GRHL2: variants seen among roughly 807,000 people sequenced by gnomAD.
The protein encoded by GRHL2 is grainyhead like transcription factor 2, also known as grainyhead-like protein 2 homolog.
In GRHL2, 21 loss-of-function variants were observed where a neutral mutation model predicts 83.8. The observed-to-expected ratio is 0.25, with a 90% CI of 0.18 to 0.36. The LOEUF (loss-of-function observed/expected upper bound fraction) is 0.36, where lower values mean the gene tolerates loss of function less well. Ranked by LOEUF, GRHL2 falls within the 10% of genes least tolerant of loss-of-function variation. The pLI, the probability that GRHL2 is intolerant of heterozygous loss-of-function variation, is 1.00. For missense variants in GRHL2, 623 were observed against 781.8 expected (o/e 0.80, Z 2.42); for synonymous variants, 280 against 278.9 (o/e 1.00, Z -0.04).
chr8:101,622,032 C>A (rs1331171091), intron 9 of GRHL2, among the ~76,000 whole-genome samples: 1 of 152,088 alleles, frequency 6.6e-6, no homozygotes, highest in Non-Finnish European at 1.5e-5. Context: ...TGTATTTAAA[C>A]AGCCCACCAC....
At chr8:101,556,617 A>G (rs776241511) in intron 3 of GRHL2, among the ~76,000 whole-genome samples, 2 of 152,198 alleles carry the variant, frequency 1.3e-5, no homozygotes, top group Non-Finnish European at 2.9e-5. Context: ...TCTCTGTACC[A>G]CCCAGGAGGT....
Position 101,632,363 on chromosome 8 carries a change from C to A in GRHL2, c.1483C>A (p.Gln495Lys). Residue 495 changes from glutamine (Q) to lysine (K), a missense_variant and splice_region_variant, in exon 11 of 16, where the codon CAG becomes AAG. Gln to Lys is a moderately conservative substitution (Grantham distance 53). This residue lies in a region of GRHL2 where 210 missense variants were observed against 254.8 expected (regional missense o/e 0.82). Transcript: ENST00000646743. The stretch of plus-strand genomic sequence containing the variant: ...CTTTGCAAACCTGCAGAGGACCGGA[C>A]AGGTATGACCTACCAGCTAACGCCC... ...VHFANLQRTGQVYYNTDDERE... is the reference protein window; with the variant it reads ...VHFANLQRTGKVYYNTDDERE... 1 of 1,613,900 alleles carries A rather than the reference C, an allele frequency of 6.2e-7. No homozygotes were observed. The highest frequency in any genetic ancestry group is 8.5e-7 in the Non-Finnish European group (1 of 1,179,822).
chr8:101,545,107 CAGGT>C lies in GRHL2; in HGVS notation c.216+1675_216+1678del, dbSNP rs202088349. ...ATGAGTGGCAGGTGCAAGTGACTGA[CAGGT>C]AGGACCATCCAGGGTATTTTAAATA... On this transcript the variant is annotated intron_variant, in intron 2 of 15. Coordinates refer to ENST00000646743, the MANE Select transcript of GRHL2 (RefSeq NM_024915.4). 6.6e-3 allele frequency among the ~76,000 whole-genome samples: 1,010 copies of C among 152,270 alleles called. 8 individuals are homozygous for C. The highest frequency in any genetic ancestry group is 0.023 in the African/African-American group (954 of 41,536).
chr8:101,679,506 A>G, the GRHL2 span, among the ~76,000 whole-genome samples: 1 of 149,574 alleles, frequency 6.7e-6, no homozygotes, highest in Non-Finnish European at 1.5e-5. Flanking sequence ...ACTCTGCAGG[A>G]TATTATCCAG....
intron 1 of GRHL2, among the ~76,000 whole-genome samples, chr8:101,533,329 A>C (rs1288031241): frequency 6.6e-6 from 1 of 152,256 alleles, no homozygotes; most frequent in Non-Finnish European, 1.5e-5. Flanking sequence ...GAAAACCTGA[A>C]GAATGCAGCT....
intron 2 of GRHL2, among the ~76,000 whole-genome samples, chr8:101,551,062 T>C (rs1239044091): frequency 6.6e-6 from 1 of 152,174 alleles, no homozygotes; most frequent in Non-Finnish European, 1.5e-5. Flanking sequence ...AGTGCTGCAA[T>C]GAACACAGGT....
chr8:101,651,737 G>T (rs1228181642), intron 14 of GRHL2, among the ~76,000 whole-genome samples: 2 of 152,188 alleles, frequency 1.3e-5, no homozygotes, highest in Non-Finnish European at 2.9e-5. Flanking sequence ...AGTGTGAGGG[G>T]TGGGGATGTA....
chr8:101,673,800 A>C (rs185469532), downstream of GRHL2, among the ~76,000 whole-genome samples: 140 of 150,966 alleles, frequency 9.3e-4, 1 homozygote, highest in Middle Eastern at 3.4e-3. Flanking sequence ...TGACCACATA[A>C]TTGGAAGTAA....
At chr8:101,644,724 A>G (rs1298265695) in intron 13 of GRHL2, among the ~76,000 whole-genome samples, 1 of 152,226 alleles carries the variant, frequency 6.6e-6, no homozygotes. Flanking sequence ...CAGCATGTCA[A>G]TGCCATACAG....
intron 13 of GRHL2, among the ~76,000 whole-genome samples, chr8:101,646,525 G>C (rs1193033183): frequency 6.6e-6 from 1 of 152,236 alleles, no homozygotes; most frequent in African/African-American, 2.4e-5. Context: ...GAAAAGGTCA[G>C]TGGGGTTACT....
chr8:101,624,932 A>G (rs1813051990), intron 9 of GRHL2, among the ~76,000 whole-genome samples: 1 of 152,128 alleles, frequency 6.6e-6, no homozygotes, highest in Non-Finnish European at 1.5e-5. Flanking sequence ...TAAAATACCG[A>G]AATGACAACT....
intron 14 of GRHL2, among the ~76,000 whole-genome samples, chr8:101,653,349 A>G (rs1433767385): frequency 2.0e-5 from 3 of 152,228 alleles, no homozygotes; most frequent in Non-Finnish European, 4.4e-5. Flanking sequence ...TGATTAATCA[A>G]GAGATATTAT....
intron 1 of GRHL2, among the ~76,000 whole-genome samples, chr8:101,522,794 T>C (rs1405727594): frequency 1.3e-5 from 2 of 151,172 alleles, no homozygotes; most frequent in Non-Finnish European, 2.9e-5. Flanking sequence ...TATATCTGAG[T>C]TGTTTTGGAA....
chr8:101,531,171 C>T (rs934179753), intron 1 of GRHL2, among the ~76,000 whole-genome samples: 3 of 150,178 alleles, frequency 2.0e-5, no homozygotes, highest in South Asian at 2.1e-4. Flanking sequence ...ATGATTGTGC[C>T]ACTGCACTCC....
intron 7 of GRHL2, among the ~76,000 whole-genome samples, chr8:101,586,183 C>A (rs1176569673): frequency 1.3e-5 from 2 of 150,678 alleles, no homozygotes; most frequent in African/African-American, 4.9e-5. Flanking sequence ...GGGTTCACGC[C>A]ATTCTCCTGC....
chr8:101,510,017 G>T (rs1195355222), intron 1 of GRHL2, among the ~76,000 whole-genome samples: 2 of 152,044 alleles, frequency 1.3e-5, no homozygotes, highest in African/African-American at 2.4e-5. Context: ...TTGAGACAGG[G>T]TCTTACTCTG....
In GRHL2 at chr8:101,527,151, T is replaced by C. The variant is rs544067615; in HGVS notation, c.21-16090T>C. On this transcript the variant is annotated intron_variant, in intron 1 of 15. Transcript: ENST00000646743. The stretch of plus-strand genomic sequence containing the variant: ...TTTTAAACTCATAAACCCTTGAAAG[T>C]ATCTAAGTGATTTCTCTAGGTGTCT... 9.8e-5 allele frequency among the ~76,000 whole-genome samples: 15 copies of C among 152,324 alleles called. No homozygotes were observed. The East Asian group carries it at 2.7e-3, about 27-fold the overall frequency.
chr8:101,679,664 A>G, the GRHL2 span, among the ~76,000 whole-genome samples: 16 of 151,502 alleles, frequency 1.1e-4, no homozygotes, highest in South Asian at 4.2e-4. Context: ...AATGTTAAGG[A>G]CAGCCAGAGA....
At chr8:101,678,155 A>G in the GRHL2 span, among the ~76,000 whole-genome samples, 53 of 152,102 alleles carry the variant, frequency 3.5e-4, no homozygotes, top group Non-Finnish European at 6.9e-4. Context: ...TGATTTCTGC[A>G]TTTCCATCTG....
Sources: allele counts gnomAD v4.1 joint callset (sites outside exome capture counted in the v4.1 genomes callset), GRCh38; gene constraint gnomAD v4.1.1; regional missense constraint gnomAD v4.1.1; transcripts MANE v1.5; gene names NCBI Gene and HGNC (gene_info 2026-07-23, HGNC 2026-07-21).